Variants in SUGCT observed in about 807,000 individuals in gnomAD.
SUGCT encodes the protein succinyl-CoA:glutarate CoA-transferase.
A neutral mutation model predicts 55.0 loss-of-function variants in SUGCT; 41 were observed. The observed-to-expected ratio is 0.74, with a 90% CI of 0.58 to 0.97. SUGCT has a LOEUF of 0.97. Among genes scored for constraint, SUGCT ranks in the 50% least tolerant of loss-of-function variants. The pLI, the probability that SUGCT is intolerant of heterozygous loss-of-function variation, is 0.00. For missense variants in SUGCT, 568 were observed against 547.8 expected, an observed-to-expected ratio of 1.04 and a Z score of -0.37; for synonymous variants, 187 against 200.4, an observed-to-expected ratio of 0.93 and a Z score of 0.56.
intron 10 of SUGCT, among the ~76,000 whole-genome samples, chr7:40,457,269 A>G (rs972253134): frequency 1.3e-5 from 2 of 151,968 alleles, no homozygotes; most frequent in Non-Finnish European, 2.9e-5. Flanking sequence ...GTAAAACCTC[A>G]TCTCTACTAA....
At chr7:40,736,137 G>A (rs1787141600) in intron 12 of SUGCT, among the ~76,000 whole-genome samples, 1 of 149,974 alleles carries the variant, frequency 6.7e-6, no homozygotes, top group Non-Finnish European at 1.5e-5. Context: ...CATACAGTGT[G>A]ATCACATCTA....
chr7:40,899,477 CAA>C, the SUGCT span, among the ~76,000 whole-genome samples: 12 of 152,276 alleles, frequency 7.9e-5, no homozygotes, highest in African/African-American at 1.9e-4. Flanking sequence ...ACACGCGACT[CAA>C]GAGGCAACGC....
chr7:40,272,072 T>G (rs909172496), intron 7 of SUGCT, among the ~76,000 whole-genome samples: 3 of 48,108 alleles, frequency 6.2e-5, no homozygotes, highest in East Asian at 3.7e-4. Flanking sequence ...TGTCTCGCTC[T>G]CTCTCTCTCT....
At chr7:40,488,603 T>C (rs759231458) in intron 11 of SUGCT, among the ~76,000 whole-genome samples, 2 of 152,188 alleles carry the variant, frequency 1.3e-5, no homozygotes, top group Non-Finnish European at 2.9e-5. Context: ...TATTACTCAC[T>C]CATGTCCTTT....
At chr7:40,462,383 A>G (rs1444168808) in intron 11 of SUGCT, among the ~76,000 whole-genome samples, 1 of 152,210 alleles carries the variant, frequency 6.6e-6, no homozygotes, top group Non-Finnish European at 1.5e-5. Context: ...CATGGCAGGC[A>G]GATCAAGTCG....
At chr7:40,225,855 G>T (rs369688247) in intron 6 of SUGCT, among the ~76,000 whole-genome samples, 18 of 152,176 alleles carry the variant, frequency 1.2e-4, no homozygotes, top group African/African-American at 4.1e-4. Flanking sequence ...TTTGGGTAAG[G>T]CACTTAGTCT....
At position 40,342,319 on chromosome 7, in the gene SUGCT, A is replaced by G. The variant is rs145534132; in HGVS notation, c.816+25464A>G. Among the ~76,000 whole-genome samples the G allele has an allele frequency of 3.0e-4, 46 of 152,328 alleles. No homozygotes were observed. The East Asian group carries it at 3.1e-3, about 10-fold the overall frequency. On this transcript the variant is annotated intron_variant, in intron 9 of 13. Transcript: ENST00000335693. ...AGAAACCTCTTTCTTATGGATAAGT[A>G]TGAGCAATATATAGGAAAAATCAAA...
intron 6 of SUGCT, among the ~76,000 whole-genome samples, chr7:40,236,459 A>AAAAAAAAAAAAAAC (rs1789017519): frequency 6.6e-6 from 1 of 151,164 alleles, no homozygotes; most frequent in Non-Finnish European, 1.5e-5. Context: ...AAAAAAAAAA[A>AAAAAAAAAAAAAAC]TTTGACACCT....
the SUGCT span, among the ~76,000 whole-genome samples, chr7:40,873,703 T>C: frequency 6.6e-6 from 1 of 152,360 alleles, no homozygotes; most frequent in African/African-American, 2.4e-5. Context: ...TGACTTTATA[T>C]TGCCATCAAG....
intron 6 of SUGCT, among the ~76,000 whole-genome samples, chr7:40,227,933 A>G (rs1190303132): frequency 6.6e-6 from 1 of 151,770 alleles, no homozygotes; most frequent in African/African-American, 2.4e-5. Flanking sequence ...CCCAGGCTGG[A>G]GTGCAATGGC....
At chr7:40,843,476 C>T (rs550301814) in intron 13 of SUGCT, among the ~76,000 whole-genome samples, 2 of 141,718 alleles carry the variant, frequency 1.4e-5, no homozygotes, top group South Asian at 4.5e-4. Flanking sequence ...CGCCACTGCA[C>T]TCCAGCCTAG....
chr7:40,215,123 G>A (rs1333943283), intron 6 of SUGCT, among the ~76,000 whole-genome samples: 2 of 151,914 alleles, frequency 1.3e-5, no homozygotes, highest in African/African-American at 2.4e-5. Flanking sequence ...CTTTTTCTGG[G>A]CCACGTTATA....
chr7:40,351,365 G>A (rs73688054), intron 9 of SUGCT, among the ~76,000 whole-genome samples: 2,287 of 151,948 alleles, frequency 0.015, 49 homozygotes, highest in South Asian at 0.059. Context: ...TCTTCTGGAT[G>A]AATTTTTATG....
rs34672683 is a variant in SUGCT at position 40,225,435 on chromosome 7, A to ATTT, written c.485-12185_485-12183dup. Reference sequence around the variant, plus strand: ...ATTTTTGGTCTTTGAATAATATATGATTTTTTTTTTTTTTTTTGAGGTGGG... The same window carrying ATTT: ...ATTTTTGGTCTTTGAATAATATATGATTTTTTTTTTTTTTTTTTTTGAGGTGGG... On this transcript the variant is annotated intron_variant, in intron 6 of 13. Coordinates refer to ENST00000335693, the MANE Select transcript of SUGCT (RefSeq NM_001193313.2). Among the ~76,000 whole-genome samples, 350 of 138,356 alleles carry ATTT rather than the reference A, an allele frequency of 2.5e-3. 4 individuals are homozygous for ATTT. Among genetic ancestry groups the ATTT allele is most frequent in the African/African-American group, 8.9e-3 (333 of 37,534 alleles). 90.8% of individuals were successfully genotyped at this position (138,356 alleles called of 152,430 possible).
intron 12 of SUGCT, among the ~76,000 whole-genome samples, chr7:40,623,477 T>C (rs996546051): frequency 1.3e-5 from 2 of 152,206 alleles, no homozygotes; most frequent in Admixed American, 1.3e-4. Flanking sequence ...ACAAGTACAA[T>C]TTATTGTTTT....
chr7:40,221,878 A>G (rs2150828211), intron 6 of SUGCT, among the ~76,000 whole-genome samples: 1 of 152,328 alleles, frequency 6.6e-6, no homozygotes, highest in East Asian at 1.9e-4. Flanking sequence ...CTGATGGCAA[A>G]AGAAAGGGGC....
rs571702656 is a variant in SUGCT, at chr7:40,503,735, A to G, written c.1089+7349A>G. Among the ~76,000 whole-genome samples the G allele has an allele frequency of 3.9e-5, 6 of 152,310 alleles. No individual in the cohort carries two copies. The South Asian group carries it at 1.0e-3, about 26-fold the overall frequency. ...ATTCATGAAAATCAGTTAGATTTTA[A>G]GAAAAGGAAAGGTTTTCTAAGCATC... On this transcript the variant is annotated intron_variant, in intron 12 of 13. Coordinates refer to ENST00000335693, the MANE Select transcript of SUGCT (RefSeq NM_001193313.2).
intron 8 of SUGCT, among the ~76,000 whole-genome samples, chr7:40,278,320 T>C (rs1320585559): frequency 6.6e-6 from 1 of 152,150 alleles, no homozygotes; most frequent in South Asian, 2.1e-4. Context: ...ACTTTTACAC[T>C]GTTGGTGGGA....
At chr7:40,656,074 A>G (rs999459433) in intron 12 of SUGCT, among the ~76,000 whole-genome samples, 11 of 152,316 alleles carry the variant, frequency 7.2e-5, no homozygotes, top group African/African-American at 2.4e-4. Flanking sequence ...ATACAATTTA[A>G]TATAATAATC....
Sources: gnomAD v4.1 joint callset for allele counts (sites outside exome capture counted in the v4.1 genomes callset) on GRCh38, gnomAD v4.1.1 for gene constraint, MANE v1.5 for transcripts, NCBI Gene and HGNC (gene_info 2026-07-23, HGNC 2026-07-21) for gene names.